The following SACM1L variants were observed in gnomAD, a reference collection of about 807,000 sequenced individuals.
SACM1L encodes the protein phosphatidylinositol-3-phosphatase SAC1.
A neutral mutation model predicts 89.5 loss-of-function variants in SACM1L; 32 were observed. That is an observed-to-expected ratio of 0.36 (90% CI 0.27 to 0.48). The LOEUF (loss-of-function observed/expected upper bound fraction) is 0.48, where lower values mean the gene tolerates loss of function less well. Among genes scored for constraint, SACM1L ranks in the 20% least tolerant of loss-of-function variants. The pLI, the probability that SACM1L is intolerant of heterozygous loss-of-function variation, is 0.99. For synonymous variants in SACM1L, 213 were observed against 232.8 expected (o/e 0.92, Z 0.77); for missense variants, 543 against 708.5 (o/e 0.77, Z 2.65).
intron 19 of SACM1L, among the ~76,000 whole-genome samples, chr3:45,741,691 G>C (rs1407528394): frequency 6.6e-6 from 1 of 152,108 alleles, no homozygotes. Context: ...GTTGAGTAGG[G>C]GGAAAGAAAG....
intron 11 of SACM1L, among the ~76,000 whole-genome samples, chr3:45,723,905 T>C (rs991498430): frequency 2.0e-5 from 3 of 152,116 alleles, no homozygotes; most frequent in African/African-American, 7.2e-5. Context: ...TTCATTCTTT[T>C]TTTAAGACTG....
intron 5 of SACM1L, among the ~76,000 whole-genome samples, chr3:45,711,178 T>A (rs1387117554): frequency 1.3e-5 from 2 of 152,190 alleles, no homozygotes; most frequent in Non-Finnish European, 2.9e-5. Context: ...ACAGTAACTT[T>A]ACACAGAAAG....
intron 1 of SACM1L, among the ~76,000 whole-genome samples, chr3:45,692,003 G>A (rs887624218): frequency 1.3e-5 from 2 of 151,966 alleles, no homozygotes. Flanking sequence ...TTTATTTCCC[G>A]TAACTGCCCA....
intron 19 of SACM1L, among the ~76,000 whole-genome samples, chr3:45,740,955 C>CT (rs1302427257): frequency 1.3e-5 from 2 of 152,104 alleles, no homozygotes; most frequent in African/African-American, 4.8e-5. Flanking sequence ...TACTGGTTTT[C>CT]TTTTTTCTCT....
At chr3:45,712,113 G>A (rs184226706) in intron 5 of SACM1L, among the ~76,000 whole-genome samples, 2 of 152,324 alleles carry the variant, frequency 1.3e-5, no homozygotes, top group East Asian at 1.9e-4. Flanking sequence ...ATCTCAGGAA[G>A]TGCGATTCAG....
At position 45,709,480 on chromosome 3, in the gene SACM1L, A is replaced by G; in HGVS notation, c.334-18A>G. 1 of 1,589,642 alleles carries G rather than the reference A, an allele frequency of 6.3e-7. No individual in the cohort carries two copies. The highest frequency in any genetic ancestry group is 8.6e-7 in the Non-Finnish European group (1 of 1,166,580). On this transcript the variant is annotated intron_variant, in intron 4 of 19. Transcript: ENST00000389061. Reference sequence around the variant, plus strand: ...TCCTTTTCAATTATGAGCTATACTGATTTTTCTTTGTTTATAGTTACAAGA... The same window carrying G: ...TCCTTTTCAATTATGAGCTATACTGGTTTTTCTTTGTTTATAGTTACAAGA...
intron 8 of SACM1L, among the ~76,000 whole-genome samples, chr3:45,721,780 A>G (rs1698793594): frequency 6.6e-6 from 1 of 152,156 alleles, no homozygotes; most frequent in African/African-American, 2.4e-5. Flanking sequence ...CTGTTTATTA[A>G]TAGGTTTTTA....
intron 6 of SACM1L, 124 bp downstream of exon 6, chr3:45,713,320 A>T: frequency 1.4e-6 from 1 of 734,516 alleles, no homozygotes; most frequent in Non-Finnish European, 2.2e-6. Context: ...ACTGTTTATA[A>T]CTTACAAACT....
At position 45,722,974 on chromosome 3, in the gene SACM1L, T is replaced by G. The variant is rs992451770; in HGVS notation, c.852+19T>G. On this transcript the variant is annotated intron_variant, in intron 10 of 19. Transcript: ENST00000389061. ...AAATCACGTGTGTATCTTGCATGCC[T>G]TTTTTGTTGGTTAAAAATAGAAGCT... The G allele has an allele frequency of 2.0e-5, 31 of 1,572,780 alleles. No individual in the cohort carries two copies. Among genetic ancestry groups the G allele is most frequent in the African/African-American group, 2.7e-5 (2 of 73,884 alleles).
chr3:45,734,119 T>TTC (rs1699140843), intron 13 of SACM1L, among the ~76,000 whole-genome samples: 1 of 150,372 alleles, frequency 6.7e-6, no homozygotes, highest in African/African-American at 2.4e-5. Flanking sequence ...AAGAATTTTT[T>TTC]TTTTTTTTTT....
chr3:45,737,554 A>G (rs756711019), intron 14 of SACM1L, 29 bp from the exon 15 acceptor site: 6 of 1,582,818 alleles, frequency 3.8e-6, no homozygotes, highest in Non-Finnish European at 4.3e-6. Flanking sequence ...TCTATTACAC[A>G]TAAATCTGGG....
At chr3:45,735,531 G>A (rs973527994) in intron 14 of SACM1L, among the ~76,000 whole-genome samples, 158 bp downstream of exon 14, 2 of 152,052 alleles carry the variant, frequency 1.3e-5, no homozygotes, top group African/African-American at 2.4e-5. Flanking sequence ...TCCATAACTA[G>A]GGTCAGTCTG....
At chr3:45,709,016 A>C (rs1383740742) in intron 4 of SACM1L, among the ~76,000 whole-genome samples, 1 of 152,184 alleles carries the variant, frequency 6.6e-6, no homozygotes, top group Non-Finnish European at 1.5e-5. Flanking sequence ...AAACCAGGGA[A>C]CGTTTCTTGA....
Position 45,729,981 on chromosome 3 carries a change from A to C in SACM1L, c.922-1320A>C, listed in dbSNP as rs75064218. On this transcript the variant is annotated intron_variant, in intron 11 of 19. Coordinates refer to ENST00000389061, the MANE Select transcript of SACM1L (RefSeq NM_014016.5). Reference sequence around the variant, plus strand: ...TTTGGCTTCTTATAATAATTTTTCTATCTTTGTTGATATCCTCATTTTGTT... The same window carrying C: ...TTTGGCTTCTTATAATAATTTTTCTCTCTTTGTTGATATCCTCATTTTGTT... Among the ~76,000 whole-genome samples the C allele has an allele frequency of 6.0e-5, 9 of 151,028 alleles. No homozygotes were observed. The East Asian group carries it at 1.8e-3, about 29-fold the overall frequency.
intron 18 of SACM1L, among the ~76,000 whole-genome samples, chr3:45,739,211 T>C (rs1323110293): frequency 6.6e-6 from 1 of 152,196 alleles, no homozygotes; most frequent in Non-Finnish European, 1.5e-5. Flanking sequence ...TTTTTGATGC[T>C]TCTCTCCTTT....
intron 3 of SACM1L, 43 bp downstream of exon 3, chr3:45,705,252 A>G (rs770455007): frequency 3.3e-6 from 4 of 1,218,320 alleles, no homozygotes; most frequent in Admixed American, 1.7e-5. Flanking sequence ...GGTAATTAGC[A>G]AGGTAGTTAA....
intron 1 of SACM1L, among the ~76,000 whole-genome samples, chr3:45,698,111 G>C (rs1306274903): frequency 6.6e-6 from 1 of 152,124 alleles, no homozygotes; most frequent in Non-Finnish European, 1.5e-5. Context: ...AATTTCACTG[G>C]CTTTTGAAAT....
chr3:45,703,276 G>A (rs9878728), intron 1 of SACM1L, among the ~76,000 whole-genome samples, 162 bp from the exon 2 acceptor site: 1 of 152,194 alleles, frequency 6.6e-6, no homozygotes, highest in African/African-American at 2.4e-5. Flanking sequence ...CAAGTGAAAA[G>A]AGTTGCAGTG....
At chr3:45,717,904 A>G (rs574154141) in intron 7 of SACM1L, among the ~76,000 whole-genome samples, 2 of 152,368 alleles carry the variant, frequency 1.3e-5, no homozygotes, top group African/African-American at 2.4e-5. Context: ...TAGCAAAGCA[A>G]GAGCCTCTCT....
Sources: allele counts gnomAD v4.1 joint callset (sites outside exome capture counted in the v4.1 genomes callset), GRCh38; gene constraint gnomAD v4.1.1; transcripts MANE v1.5; gene names NCBI Gene and HGNC (gene_info 2026-07-23, HGNC 2026-07-21).